MEP1A: variants seen among roughly 807,000 people sequenced by gnomAD.
MEP1A encodes the protein N-benzoyl-L-tyrosyl-P-amino-benzoic acid hydrolase subunit alpha.
MEP1A carries 68 observed loss-of-function variants against 84.5 expected under a neutral mutation model. That is an observed-to-expected ratio of 0.80 (90% CI 0.66 to 0.98). The LOEUF is 0.98. MEP1A is among the 50% of genes least tolerant of loss of function. The probability of loss-of-function intolerance (pLI) is 0.00; values close to 1 mark genes in which losing one functional copy is unlikely to be tolerated. For missense variants in MEP1A, 887 were observed against 919.9 expected (o/e 0.96, Z 0.46); for synonymous variants, 337 against 336.8 (o/e 1.00, Z -0.01).
In MEP1A at chr6:46,802,222, C is replaced by A. The variant is rs899844913; in HGVS notation, c.262+3041C>A. Among the ~76,000 whole-genome samples the A allele has an allele frequency of 3.3e-5, 5 of 151,994 alleles. No homozygotes were observed. In the East Asian group the frequency reaches 5.8e-4, roughly 18 times the overall value. ...CCTATAATCCATAAACATGGTACATCAGTCCATTTATTTCAGTCTTCTTTA... is the reference window on the plus strand; with the variant it reads ...CCTATAATCCATAAACATGGTACATAAGTCCATTTATTTCAGTCTTCTTTA... On this transcript the variant is annotated intron_variant, in intron 5 of 13. Transcript: ENST00000230588.
At chr6:46,807,869 G>T (rs1562107210) in intron 5 of MEP1A, among the ~76,000 whole-genome samples, 1 of 151,644 alleles carries the variant, frequency 6.6e-6, no homozygotes, top group Admixed American at 6.6e-5. Flanking sequence ...GTCAAATGTG[G>T]CTCCTGCATT....
intron 5 of MEP1A, among the ~76,000 whole-genome samples, chr6:46,807,776 A>AAAGAAAGAAAGG (rs1491487689): frequency 4.8e-4 from 30 of 62,702 alleles, no homozygotes; most frequent in African/African-American, 1.3e-3. Flanking sequence ...GAAAGGAAAG[A>AAAGAAAGAAAGG]AAGAAAGAAA....
Position 46,799,022 on chromosome 6 carries a change from G to A in MEP1A, c.187-84G>A. ...GTTTGAGTTGTGTGATAGACTGTTT[G>A]CTCTGTGAGAGTTTAGTGAAGGAGG... On this transcript the variant is annotated intron_variant, in intron 4 of 13. Transcript: ENST00000230588. 3.6e-6 allele frequency: 3 copies of A among 834,838 alleles called. No individual in the cohort carries two copies. In the South Asian group the frequency reaches 4.3e-5, roughly 12 times the overall value. 51.7% of individuals were successfully genotyped at this position (834,838 alleles called of 1,614,324 possible).
At chr6:46,809,816 A>T (rs961007333) in intron 6 of MEP1A, among the ~76,000 whole-genome samples, 24 of 147,198 alleles carry the variant, frequency 1.6e-4, no homozygotes, top group Admixed American at 1.2e-3. Context: ...GTGTGTGTAT[A>T]TATATATATA....
downstream of MEP1A, among the ~76,000 whole-genome samples, chr6:46,841,823 GATGTTGAA>G (rs1768335326): frequency 6.6e-6 from 1 of 152,190 alleles, no homozygotes; most frequent in African/African-American, 2.4e-5. Context: ...CCTCTCTGAT[GATGTTGAA>G]ATGAATCAAG....
chr6:46,797,983 T>C (rs1042002969), intron 3 of MEP1A, among the ~76,000 whole-genome samples: 3 of 150,080 alleles, frequency 2.0e-5, no homozygotes, highest in Non-Finnish European at 3.0e-5. Context: ...TTTCTTTTTT[T>C]GTGAGACAGA....
intron 6 of MEP1A, among the ~76,000 whole-genome samples, chr6:46,813,724 A>G (rs1245830281): frequency 6.6e-6 from 1 of 152,180 alleles, no homozygotes; most frequent in Non-Finnish European, 1.5e-5. Flanking sequence ...TCCTTTTAGC[A>G]GTTCTTGTAG....
intron 6 of MEP1A, among the ~76,000 whole-genome samples, chr6:46,818,649 G>A (rs1001917300): frequency 4.6e-5 from 7 of 152,168 alleles, no homozygotes; most frequent in East Asian, 1.9e-4. Flanking sequence ...TCAGAGGGAC[G>A]CTACAGGTCC....
intron 7 of MEP1A, among the ~76,000 whole-genome samples, chr6:46,824,035 C>T (rs899756319): frequency 2.0e-5 from 3 of 152,138 alleles, no homozygotes; most frequent in Non-Finnish European, 2.9e-5. Flanking sequence ...CAGCTGCTTA[C>T]CTTTCCCTCT....
chr6:46,826,643 A>G (rs752289433), intron 9 of MEP1A, 140 bp downstream of exon 9: 2 of 677,000 alleles, frequency 3.0e-6, no homozygotes, highest in East Asian at 6.2e-5. Context: ...CATTTCTTAT[A>G]TCTTCATTAT....
At chr6:46,812,676 T>C (rs948402234) in intron 6 of MEP1A, among the ~76,000 whole-genome samples, 1 of 152,138 alleles carries the variant, frequency 6.6e-6, no homozygotes, top group Non-Finnish European at 1.5e-5. Flanking sequence ...ACTATTATCA[T>C]TCAGTCCAAA....
At position 46,795,783 on chromosome 6, in the gene MEP1A, A is replaced by G. The variant is rs145990179; in HGVS notation, c.145+2067A>G. 7.3e-3 allele frequency among the ~76,000 whole-genome samples: 1,109 copies of G among 152,184 alleles called. 12 individuals are homozygous for G. Among genetic ancestry groups the G allele is most frequent in the African/African-American group, 0.025 (1,052 of 41,524 alleles). ...GAGCTCTCCTTTTAATATCCTTCAG[A>G]TCATGTCATTTCTCTGCTCCAACCA... On this transcript the variant is annotated intron_variant, in intron 3 of 13. Transcript: ENST00000230588.
chr6:46,833,014 ATAATAAGTACTCAT>A, intron 10 of MEP1A, 46 bp from the exon 11 acceptor site: 1 of 954,358 alleles, frequency 1.0e-6, no homozygotes, highest in Non-Finnish European at 1.6e-6. Flanking sequence ...TGCCAAACTC[ATAATAAGTACTCAT>A]TAAGTGTTGG....
At position 46,819,581 on chromosome 6, in the gene MEP1A, C is replaced by CTAT; in HGVS notation, c.433_434insTAT (p.Gln145delinsLeuTer). 6.2e-7 allele frequency: 1 copy of CTAT among 1,613,944 alleles called. No homozygotes were observed. Among genetic ancestry groups the CTAT allele is most frequent in the Non-Finnish European group, 8.5e-7 (1 of 1,179,974 alleles). On this transcript the variant is annotated stop_gained and protein_altering_variant, in exon 7 of 14. Transcript: ENST00000230588. LOFTEE classifies it high-confidence loss of function. ...TGTGGGACAGAACATTTCCATTGGC[C>CTAT]AAGGATGTGCCTATAAGGCCATCAT...
At chr6:46,813,704 G>T (rs1421517097) in intron 6 of MEP1A, among the ~76,000 whole-genome samples, 2 of 152,066 alleles carry the variant, frequency 1.3e-5, no homozygotes, top group Non-Finnish European at 2.9e-5. Context: ...TTTGTTTCAA[G>T]ATTTAGAGCT....
rs749426037 is a variant in MEP1A at position 46,833,244 on chromosome 6, C to T, written c.1315C>T (p.Arg439Trp). 94 of 1,614,046 alleles carry T rather than the reference C, an allele frequency of 5.8e-5. No homozygotes were observed. Among genetic ancestry groups the T allele is most frequent in the Non-Finnish European group, 7.1e-5 (84 of 1,180,024 alleles). The change falls in exon 11 of 14, where the codon CGG (arginine) becomes TGG (tryptophan). Residue 439 changes from arginine (R) to tryptophan (W), a missense_variant. Coordinates refer to ENST00000230588, the MANE Select transcript of MEP1A (RefSeq NM_005588.3). ...TPCPTGVWTVRNFSQVLENTS... is the reference protein window; with the variant it reads ...TPCPTGVWTVWNFSQVLENTS... ...CTGCCCCACAGGGGTCTGGACAGTC[C>T]GGAATTTCTCCCAAGTCCTTGAGAA...
At chr6:46,818,100 A>C (rs1310645158) in intron 6 of MEP1A, among the ~76,000 whole-genome samples, 2 of 152,244 alleles carry the variant, frequency 1.3e-5, no homozygotes, top group Non-Finnish European at 2.9e-5. Context: ...AATATTTTGC[A>C]GAGTAAACTC....
At chr6:46,795,590 C>T (rs1191290201) in intron 3 of MEP1A, among the ~76,000 whole-genome samples, 1 of 152,132 alleles carries the variant, frequency 6.6e-6, no homozygotes, top group African/African-American at 2.4e-5. Flanking sequence ...TGAGCCACCA[C>T]GCCTGGCCTA....
intron 11 of MEP1A, among the ~76,000 whole-genome samples, 156 bp downstream of exon 11, chr6:46,833,694 A>G (rs1381811315): frequency 6.6e-6 from 1 of 152,158 alleles, no homozygotes; most frequent in Admixed American, 6.5e-5. Context: ...AAGATTTTCA[A>G]TGCCATCACA....
Sources: allele counts gnomAD v4.1 joint callset (sites outside exome capture counted in the v4.1 genomes callset), GRCh38; gene constraint gnomAD v4.1.1; transcripts MANE v1.5; gene names NCBI Gene and HGNC (gene_info 2026-07-23, HGNC 2026-07-21).